Variants in OPCML observed in about 807,000 individuals in gnomAD.
OPCML encodes opioid binding protein/cell adhesion molecule like.
Under a neutral mutation model 37.8 loss-of-function variants are expected in OPCML, and 13 were observed. The observed-to-expected ratio is 0.34, with a 90% CI of 0.22 to 0.55. The LOEUF is 0.55. Ranked by LOEUF, OPCML falls within the 20% of genes least tolerant of loss-of-function variation. The probability of loss-of-function intolerance (pLI) is 0.91; values close to 1 mark genes in which losing one functional copy is unlikely to be tolerated. For synonymous variants in OPCML, 176 were observed against 168.8 expected (o/e 1.04, Z -0.33); for missense variants, 341 against 435.6 (o/e 0.78, Z 1.93).
At chr11:132,934,449 C>A (rs1158483485) in intron 2 of OPCML, among the ~76,000 whole-genome samples, 7 of 152,138 alleles carry the variant, frequency 4.6e-5, no homozygotes, top group Admixed American at 1.3e-4. Flanking sequence ...CTCGCCTTGA[C>A]TTAGAATGGG....
At chr11:133,192,851 T>C (rs1204888923) in intron 1 of OPCML, among the ~76,000 whole-genome samples, 2 of 151,578 alleles carry the variant, frequency 1.3e-5, no homozygotes, top group Non-Finnish European at 2.9e-5. Flanking sequence ...ATTAGTTGCT[T>C]CGTGTTTTCT....
intron 1 of OPCML, chr11:133,421,792 G>C: frequency 1.0e-6 from 1 of 985,054 alleles, no homozygotes. Context: ...AATTGCTTTC[G>C]AGTCTTCCAG....
Position 133,490,036 on chromosome 11 carries a change from G to C in OPCML, c.61+42228C>G, listed in dbSNP as rs1234962780. Among the ~76,000 whole-genome samples, 4 of 152,088 alleles carry C rather than the reference G, an allele frequency of 2.6e-5. No homozygotes were observed. In the East Asian group the frequency reaches 7.7e-4, roughly 29 times the overall value. ...TATCGTAAATAAAAGTGAAGATTTA[G>C]GTACCTCATACCAAATACATGAGGA... On this transcript the variant is annotated intron_variant, in intron 1 of 7. Coordinates refer to ENST00000524381, the MANE Select transcript of OPCML (RefSeq NM_001012393.5).
chr11:132,869,665 T>C (rs538805207), intron 2 of OPCML, among the ~76,000 whole-genome samples: 5 of 152,246 alleles, frequency 3.3e-5, no homozygotes, highest in Non-Finnish European at 7.3e-5. Flanking sequence ...ATATCATTAA[T>C]GATCTTATTA....
rs376196441 is a variant in OPCML at position 132,640,673 on chromosome 11, C to T, written c.379+16414G>A. On this transcript the variant is annotated intron_variant, in intron 3 of 7. Transcript: ENST00000524381. Reference sequence around the variant, plus strand: ...TTTGTTCCCATCCTCAGAGTGGATACATTTTGGTGGTGAAGACAGTGTAAT... The same window carrying T: ...TTTGTTCCCATCCTCAGAGTGGATATATTTTGGTGGTGAAGACAGTGTAAT... Among the ~76,000 whole-genome samples, 23 of 152,110 alleles carry T rather than the reference C, an allele frequency of 1.5e-4. No individual in the cohort carries two copies. The East Asian group carries it at 1.7e-3, about 11-fold the overall frequency.
chr11:133,004,597 G>C lies in OPCML; in HGVS notation c.62-61587C>G, dbSNP rs1000589915. 5.1e-6 allele frequency: 5 copies of C among 985,334 alleles called. No homozygotes were observed. In the African/African-American group the frequency reaches 8.7e-5, roughly 17 times the overall value. The allele number at this position is 985,334 out of a possible 1,614,324, so 61.0% of individuals were successfully genotyped here. ...TGCAGGCACTGCTGCTCCATGCGAAGGGTCTGCTCCTCTGATCCAGTTGCT... is the reference window on the plus strand; with the variant it reads ...TGCAGGCACTGCTGCTCCATGCGAACGGTCTGCTCCTCTGATCCAGTTGCT... On this transcript the variant is annotated intron_variant, in intron 1 of 7. Coordinates refer to ENST00000524381, the MANE Select transcript of OPCML (RefSeq NM_001012393.5).
chr11:133,202,057 T>C (rs1224384241), intron 1 of OPCML, among the ~76,000 whole-genome samples: 1 of 152,048 alleles, frequency 6.6e-6, no homozygotes, highest in Non-Finnish European at 1.5e-5. Flanking sequence ...TAAAAAATAA[T>C]TCACTGTCAG....
chr11:132,661,837 C>T (rs1212901968), intron 2 of OPCML, among the ~76,000 whole-genome samples: 1 of 152,170 alleles, frequency 6.6e-6, no homozygotes, highest in Non-Finnish European at 1.5e-5. Flanking sequence ...CTAATAACTA[C>T]CCTTTGAGAT....
At chr11:132,959,442 G>A (rs780030427) in intron 1 of OPCML, among the ~76,000 whole-genome samples, 4 of 152,214 alleles carry the variant, frequency 2.6e-5, no homozygotes, top group Non-Finnish European at 5.9e-5. Flanking sequence ...ATAAAGCAGC[G>A]GCGGGATTTG....
chr11:132,905,636 G>A (rs774266004), intron 2 of OPCML, among the ~76,000 whole-genome samples: 2 of 151,952 alleles, frequency 1.3e-5, no homozygotes, highest in African/African-American at 2.4e-5. Flanking sequence ...TGACCTTCAT[G>A]ATGCAAAATT....
chr11:133,309,863 A>G (rs1163655408), intron 1 of OPCML, among the ~76,000 whole-genome samples: 1 of 152,294 alleles, frequency 6.6e-6, no homozygotes, highest in South Asian at 2.1e-4. Flanking sequence ...AGTGATGTCT[A>G]TTGGTGGGGA....
intron 1 of OPCML, among the ~76,000 whole-genome samples, chr11:133,082,334 G>C (rs1008892217): frequency 6.6e-6 from 1 of 150,622 alleles, no homozygotes. Context: ...GGGAAGGCCG[G>C]GTCTGCCCAA....
At chr11:133,468,329 A>G (rs1212062940) in intron 1 of OPCML, among the ~76,000 whole-genome samples, 1 of 152,180 alleles carries the variant, frequency 6.6e-6, no homozygotes, top group Non-Finnish European at 1.5e-5. Flanking sequence ...TGAAGAAAGG[A>G]TGCTGGGACA....
intron 1 of OPCML, among the ~76,000 whole-genome samples, chr11:133,247,551 T>C (rs566562234): frequency 2.2e-4 from 30 of 139,230 alleles, no homozygotes; most frequent in Admixed American, 6.8e-4. Flanking sequence ...TTTCTTTCTT[T>C]CTTTCTTTCT....
At chr11:133,096,732 T>C (rs1197970163) in intron 1 of OPCML, among the ~76,000 whole-genome samples, 1 of 152,070 alleles carries the variant, frequency 6.6e-6, no homozygotes, top group African/African-American at 2.4e-5. Flanking sequence ...AGCAGATATA[T>C]TAATTTCAGG....
At chr11:132,545,976 T>C (rs927763035) in intron 3 of OPCML, among the ~76,000 whole-genome samples, 2 of 152,234 alleles carry the variant, frequency 1.3e-5, no homozygotes, top group Non-Finnish European at 2.9e-5. Flanking sequence ...TGATTGCTGA[T>C]AGATTTCCTT....
intron 1 of OPCML, among the ~76,000 whole-genome samples, chr11:133,528,133 C>T (rs1948526090): frequency 1.3e-5 from 2 of 152,204 alleles, no homozygotes; most frequent in South Asian, 4.1e-4. Flanking sequence ...ACCTCAAGCC[C>T]GTCGGGATCT....
At chr11:133,248,429 T>A (rs921186945) in intron 1 of OPCML, among the ~76,000 whole-genome samples, 34 of 152,238 alleles carry the variant, frequency 2.2e-4, no homozygotes, top group African/African-American at 6.7e-4. Context: ...TTTGAAAAAA[T>A]TTGTAGCTGA....
chr11:132,595,931 A>G (rs1180244131), intron 3 of OPCML, among the ~76,000 whole-genome samples: 1 of 152,200 alleles, frequency 6.6e-6, no homozygotes, highest in African/African-American at 2.4e-5. Context: ...AGCTTTTTCT[A>G]ACAGGTACTT....
Sources: allele counts gnomAD v4.1 joint callset (sites outside exome capture counted in the v4.1 genomes callset), GRCh38; gene constraint gnomAD v4.1.1; transcripts MANE v1.5; gene names NCBI Gene and HGNC (gene_info 2026-07-23, HGNC 2026-07-21).